DCLK1: variants seen among roughly 807,000 people sequenced by gnomAD.
DCLK1 encodes serine/threonine-protein kinase DCLK1.
DCLK1 carries 16 observed loss-of-function variants against 86.2 expected under a neutral mutation model. That is an observed-to-expected ratio of 0.19 (90% CI 0.13 to 0.28). DCLK1 has a LOEUF of 0.28. DCLK1 is among the 10% of genes least tolerant of loss of function. The pLI is 1.00. For missense variants in DCLK1, 590 were observed against 940.2 expected (o/e 0.63, Z 4.87); for synonymous variants, 369 against 370.5 (o/e 1.00, Z 0.05).
intron 15 of DCLK1, among the ~76,000 whole-genome samples, chr13:35,803,090 A>G (rs2153101389): frequency 6.6e-6 from 1 of 152,306 alleles, no homozygotes; most frequent in East Asian, 1.9e-4. Context: ...ATGTAATGTG[A>G]TGCATGGGAC....
At chr13:36,124,219 C>A (rs1886090629) in intron 2 of DCLK1, among the ~76,000 whole-genome samples, 1 of 152,216 alleles carries the variant, frequency 6.6e-6, no homozygotes, top group African/African-American at 2.4e-5. Flanking sequence ...ACTATACCAC[C>A]AAATGTTTCA....
intron 4 of DCLK1, among the ~76,000 whole-genome samples, chr13:35,886,476 AG>A (rs1417092088): frequency 6.6e-6 from 1 of 152,130 alleles, no homozygotes; most frequent in African/African-American, 2.4e-5. Flanking sequence ...AAAGAAGCAA[AG>A]GATGTTAGAA....
intron 3 of DCLK1, among the ~76,000 whole-genome samples, chr13:35,957,158 A>G (rs1414673174): frequency 6.6e-6 from 1 of 152,152 alleles, no homozygotes; most frequent in Admixed American, 6.6e-5. Flanking sequence ...AACTTGGAGC[A>G]AAGGGAAAGA....
chr13:35,842,107 T>C (rs946621196), intron 6 of DCLK1, among the ~76,000 whole-genome samples: 1 of 151,564 alleles, frequency 6.6e-6, no homozygotes, highest in Non-Finnish European at 1.5e-5. Flanking sequence ...CGGGTGTCTG[T>C]AGTCCCAGCT....
chr13:35,936,497 AG>A (rs973704257), intron 4 of DCLK1, among the ~76,000 whole-genome samples: 10 of 152,374 alleles, frequency 6.6e-5, no homozygotes, highest in African/African-American at 2.4e-4. Flanking sequence ...ATCTATGAGA[AG>A]GATTCTTTAA....
intron 2 of DCLK1, among the ~76,000 whole-genome samples, chr13:36,120,286 G>C (rs1036440159): frequency 2.0e-5 from 3 of 152,106 alleles, no homozygotes; most frequent in South Asian, 4.1e-4. Flanking sequence ...AGTCACTAAA[G>C]AGAAATCTGG....
intron 7 of DCLK1, among the ~76,000 whole-genome samples, chr13:35,838,453 A>G (rs1869552361): frequency 6.6e-6 from 1 of 152,226 alleles, no homozygotes; most frequent in South Asian, 2.1e-4. Flanking sequence ...GGAAGGAAAT[A>G]GGTGTGATTC....
intron 16 of DCLK1, among the ~76,000 whole-genome samples, chr13:35,791,469 A>G (rs1180433214): frequency 6.6e-6 from 1 of 152,122 alleles, no homozygotes; most frequent in East Asian, 1.9e-4. Flanking sequence ...CATGACATTT[A>G]GGAAAAAAAA....
chr13:35,994,999 A>G (rs1283180628), intron 3 of DCLK1, among the ~76,000 whole-genome samples: 1 of 152,234 alleles, frequency 6.6e-6, no homozygotes, highest in African/African-American at 2.4e-5. Flanking sequence ...ATTCAATTTT[A>G]AAATGCAGAT....
intron 3 of DCLK1, among the ~76,000 whole-genome samples, chr13:35,988,290 C>T (rs978082204): frequency 1.3e-5 from 2 of 152,220 alleles, no homozygotes; most frequent in African/African-American, 2.4e-5. Flanking sequence ...CACGCCCAGG[C>T]TGTTGGCGAC....
intron 4 of DCLK1, among the ~76,000 whole-genome samples, chr13:35,911,119 T>C (rs368667970): frequency 5.6e-5 from 2 of 35,876 alleles, no homozygotes; most frequent in Non-Finnish European, 1.2e-4. Context: ...CCATCTCTAC[T>C]AAAAATACAA....
chr13:35,883,372 G>C (rs1041266898), intron 4 of DCLK1, among the ~76,000 whole-genome samples: 2 of 152,036 alleles, frequency 1.3e-5, no homozygotes, highest in African/African-American at 2.4e-5. Context: ...ACATCTAGTT[G>C]TTAAAAAGAG....
At chr13:36,043,454 A>G (rs1014003033) in intron 3 of DCLK1, among the ~76,000 whole-genome samples, 3 of 152,100 alleles carry the variant, frequency 2.0e-5, no homozygotes, top group Admixed American at 6.6e-5. Context: ...ACAAGTTTCA[A>G]AGAAGAGAAA....
intron 4 of DCLK1, among the ~76,000 whole-genome samples, chr13:35,914,353 A>ATGCG (rs1875261316): frequency 5.3e-4 from 9 of 16,852 alleles, no homozygotes; most frequent in African/African-American, 1.8e-3. Flanking sequence ...ATATATACAT[A>ATGCG]TATATATATA....
At chr13:35,818,445 G>A (rs2087318717) in intron 11 of DCLK1, among the ~76,000 whole-genome samples, 1 of 152,154 alleles carries the variant, frequency 6.6e-6, no homozygotes, top group African/African-American at 2.4e-5. Context: ...CATTTTGATG[G>A]GCAGCTGGGA....
intron 6 of DCLK1, chr13:35,850,339 A>C: frequency 1.0e-6 from 1 of 990,182 alleles, no homozygotes. Flanking sequence ...TTATATCTCT[A>C]TGTCTACTTA....
intron 3 of DCLK1, among the ~76,000 whole-genome samples, chr13:36,028,518 C>T (rs1437427022): frequency 1.3e-5 from 2 of 152,170 alleles, no homozygotes; most frequent in Non-Finnish European, 2.9e-5. Flanking sequence ...TGCCTTGCTT[C>T]CTCCCGCCCT....
intron 3 of DCLK1, among the ~76,000 whole-genome samples, chr13:35,963,466 A>T (rs1205185200): frequency 1.3e-5 from 2 of 152,226 alleles, no homozygotes; most frequent in African/African-American, 4.8e-5. Flanking sequence ...GACCGGGATT[A>T]TCAAGAATTG....
At chr13:36,107,229 G>A (rs1034707145) in intron 3 of DCLK1, among the ~76,000 whole-genome samples, 2 of 151,784 alleles carry the variant, frequency 1.3e-5, no homozygotes, top group Admixed American at 6.6e-5. Context: ...GCTTACCATC[G>A]AAATCAGTTT....
Sources: gnomAD v4.1 joint callset for allele counts (sites outside exome capture counted in the v4.1 genomes callset) on GRCh38, gnomAD v4.1.1 for gene constraint, MANE v1.5 for transcripts, NCBI Gene and HGNC (gene_info 2026-07-23, HGNC 2026-07-21) for gene names.